SEMA3A: variants seen among roughly 807,000 people sequenced by gnomAD.
SEMA3A encodes semaphorin-3A.
A neutral mutation model predicts 97.9 loss-of-function variants in SEMA3A; 29 were observed. That is an observed-to-expected ratio of 0.30 (90% CI 0.22 to 0.40). The LOEUF (loss-of-function observed/expected upper bound fraction) is 0.40. Among genes scored for constraint, SEMA3A ranks in the 10% least tolerant of loss-of-function variants. The probability of loss-of-function intolerance (pLI) is 1.00; values close to 1 mark genes in which losing one functional copy is unlikely to be tolerated. For synonymous variants in SEMA3A, 321 were observed against 323.7 expected (o/e 0.99, Z 0.09); for missense variants, 763 against 951.3 (o/e 0.80, Z 2.60).
Position 84,014,357 on chromosome 7 carries a change from A to C in SEMA3A, c.668-6T>G. On this transcript the variant is annotated splice_region_variant and splice_polypyrimidine_tract_variant and intron_variant, in intron 6 of 16. Transcript: ENST00000265362. ...GGCACTAATGAACTTTGGATCTGAG[A>C]GACAAATAATAGCGTATATATTAAT... 6.3e-7 allele frequency: 1 copy of C among 1,596,564 alleles called. No individual in the cohort carries two copies. Among genetic ancestry groups the C allele is most frequent in the Non-Finnish European group, 8.6e-7 (1 of 1,166,310 alleles).
At chr7:83,982,158 G>A (rs766485865) in intron 13 of SEMA3A, among the ~76,000 whole-genome samples, 9 of 148,970 alleles carry the variant, frequency 6.0e-5, no homozygotes, top group Non-Finnish European at 1.0e-4. Context: ...GGTTGAGCAT[G>A]AAGATACCTG....
intron 6 of SEMA3A, among the ~76,000 whole-genome samples, chr7:84,026,540 G>A (rs1791550588): frequency 6.6e-6 from 1 of 152,126 alleles, no homozygotes; most frequent in Non-Finnish European, 1.5e-5. Flanking sequence ...AAAGACACAT[G>A]CACATGAATG....
intron 2 of SEMA3A, among the ~76,000 whole-genome samples, chr7:84,313,765 A>T (rs571581804): frequency 1.3e-5 from 2 of 151,976 alleles, no homozygotes; most frequent in African/African-American, 4.8e-5. Flanking sequence ...TTGTACTTCT[A>T]TAAGCCCTCT....
rs115546739 is a variant in SEMA3A, at chr7:84,001,574, A to G, written c.1452+381T>C. Among the ~76,000 whole-genome samples the G allele has an allele frequency of 5.6e-3, 856 of 152,250 alleles. 10 individuals carry two copies. Among genetic ancestry groups the G allele is most frequent in the African/African-American group, 0.02 (815 of 41,522 alleles). On this transcript the variant is annotated intron_variant, in intron 12 of 16. Transcript: ENST00000265362. Reference sequence around the variant, plus strand: ...TCTTCAGTATTCTGTCATTCCGAATATATTTCCTTTAGTACATTCATGGAA... The same window carrying G: ...TCTTCAGTATTCTGTCATTCCGAATGTATTTCCTTTAGTACATTCATGGAA...
chr7:84,076,778 A>G (rs999283789), intron 4 of SEMA3A, among the ~76,000 whole-genome samples: 3 of 152,138 alleles, frequency 2.0e-5, no homozygotes, highest in African/African-American at 7.2e-5. Flanking sequence ...TTCCCATTCT[A>G]ATAACAATAT....
intron 4 of SEMA3A, 104 bp downstream of exon 4, chr7:84,110,366 T>G (rs774347961): frequency 7.7e-7 from 1 of 1,304,480 alleles, no homozygotes; most frequent in Non-Finnish European, 1.1e-6. Context: ...TAGGTCCCAC[T>G]GAATAGTGAA....
chr7:84,425,122 A>T (rs1332771466), intron 1 of SEMA3A, among the ~76,000 whole-genome samples: 1 of 109,594 alleles, frequency 9.1e-6, no homozygotes, highest in African/African-American at 3.8e-5. Flanking sequence ...ATTTATATAA[A>T]TTATTTATAT....
intron 1 of SEMA3A, among the ~76,000 whole-genome samples, chr7:84,376,882 C>G (rs1157022647): frequency 3.4e-5 from 5 of 148,312 alleles, no homozygotes; most frequent in Admixed American, 3.4e-4. Context: ...ATGTATGTTG[C>G]TCTTGAGTTG....
chr7:84,440,732 C>G (rs1805251416), intron 1 of SEMA3A, among the ~76,000 whole-genome samples: 1 of 152,022 alleles, frequency 6.6e-6, no homozygotes, highest in Non-Finnish European at 1.5e-5. Context: ...AAGAAAGAAA[C>G]AAACAACAAA....
intron 1 of SEMA3A, among the ~76,000 whole-genome samples, chr7:84,436,318 A>G (rs1033755694): frequency 1.3e-5 from 2 of 152,208 alleles, no homozygotes; most frequent in South Asian, 2.1e-4. Context: ...AACCAAAACA[A>G]AAATTGATGA....
intron 2 of SEMA3A, among the ~76,000 whole-genome samples, chr7:84,309,083 G>C (rs900667280): frequency 4.6e-5 from 7 of 152,090 alleles, no homozygotes; most frequent in Non-Finnish European, 5.9e-5. Context: ...CTTCAAAAGT[G>C]CTGGGATTAC....
intron 6 of SEMA3A, among the ~76,000 whole-genome samples, chr7:84,028,150 T>C (rs1285665379): frequency 6.6e-6 from 1 of 152,150 alleles, no homozygotes; most frequent in Non-Finnish European, 1.5e-5. Flanking sequence ...TTGCAGTAAA[T>C]TGTAAATTTA....
intron 2 of SEMA3A, among the ~76,000 whole-genome samples, chr7:84,356,371 A>G (rs1020669189): frequency 1.3e-5 from 2 of 151,576 alleles, no homozygotes; most frequent in Non-Finnish European, 3.0e-5. Flanking sequence ...GAAATCCAAA[A>G]TTACCCTTCA....
chr7:84,411,568 T>TAC (rs1554381176), intron 1 of SEMA3A, among the ~76,000 whole-genome samples: 1 of 49,460 alleles, frequency 2.0e-5, no homozygotes, highest in Non-Finnish European at 3.4e-5. Flanking sequence ...TGGGTATAAT[T>TAC]ATATATATAT....
chr7:84,367,870 C>T lies in SEMA3A; in HGVS notation c.-169+3954G>A, dbSNP rs967525163. On this transcript the variant is annotated intron_variant, in intron 2 of 3. Transcript: ENST00000424555. ...AAAAAATTTCCCTTAGTCAAATCTA[C>T]AATTCTGTTTATCTAAAAGAATCTT... Among the ~76,000 whole-genome samples, 5 of 151,100 alleles carry T rather than the reference C, an allele frequency of 3.3e-5. No homozygotes were observed. In the South Asian group the frequency reaches 1.0e-3, roughly 31 times the overall value.
intron 1 of SEMA3A, among the ~76,000 whole-genome samples, chr7:84,173,984 C>T (rs35806139): frequency 0.069 from 10,525 of 152,052 alleles, 476 homozygotes; most frequent in African/African-American, 0.13. Context: ...GTGATGCTAG[C>T]GCTGGGGAGC....
At chr7:84,458,468 G>A (rs1423793785) in intron 1 of SEMA3A, among the ~76,000 whole-genome samples, 1 of 151,998 alleles carries the variant, frequency 6.6e-6, no homozygotes, top group East Asian at 1.9e-4. Flanking sequence ...AATTTGATAG[G>A]AGTTATATTT....
At chr7:84,246,750 T>C (rs942442629) in intron 3 of SEMA3A, among the ~76,000 whole-genome samples, 1 of 152,094 alleles carries the variant, frequency 6.6e-6, no homozygotes, top group Non-Finnish European at 1.5e-5. Context: ...AATAGCTTGA[T>C]ATGTATACAT....
At chr7:84,010,929 T>G in intron 9 of SEMA3A, 93 bp downstream of exon 9, 1 of 858,172 alleles carries the variant, frequency 1.2e-6, no homozygotes, top group Non-Finnish European at 1.8e-6. Flanking sequence ...AAGCAACACT[T>G]GCCTTTCAAA....
Sources: gnomAD v4.1 joint callset for allele counts (sites outside exome capture counted in the v4.1 genomes callset) on GRCh38, gnomAD v4.1.1 for gene constraint, MANE v1.5 for transcripts, NCBI Gene and HGNC (gene_info 2026-07-23, HGNC 2026-07-21) for gene names.